DPH6: variants seen among roughly 807,000 people sequenced by gnomAD.
DPH6 encodes diphthamine biosynthesis 6, also known as diphthine--ammonia ligase.
DPH6 carries 33 observed loss-of-function variants against 38.2 expected under a neutral mutation model. That is an observed-to-expected ratio of 0.86 (90% CI 0.65 to 1.15). The LOEUF (loss-of-function observed/expected upper bound fraction) is 1.15, where lower values mean the gene tolerates loss of function less well. Ranked by LOEUF, DPH6 falls within the 50% of genes most tolerant of loss-of-function variation. The probability of loss-of-function intolerance (pLI) is 0.00; values close to 1 mark genes in which losing one functional copy is unlikely to be tolerated. For missense variants in DPH6, 325 were observed against 320.0 expected (o/e 1.02, Z -0.12); for synonymous variants, 108 against 103.0 (o/e 1.05, Z -0.30).
intron 3 of DPH6, among the ~76,000 whole-genome samples, chr15:35,335,809 G>T (rs2052366994): frequency 1.3e-5 from 2 of 152,104 alleles, no homozygotes; most frequent in African/African-American, 2.4e-5. Context: ...GTTGGAAGTT[G>T]TATAGCACAA....
At chr15:35,206,404 T>C in the DPH6 span, among the ~76,000 whole-genome samples, 3 of 152,016 alleles carry the variant, frequency 2.0e-5, no homozygotes, top group African/African-American at 7.2e-5. Flanking sequence ...CTATTGAGAG[T>C]AGAAATTTAT....
At chr15:35,320,076 A>G (rs563299665) in intron 3 of DPH6, among the ~76,000 whole-genome samples, 6 of 151,920 alleles carry the variant, frequency 3.9e-5, no homozygotes, top group African/African-American at 1.4e-4. Flanking sequence ...TTTCAGCCCA[A>G]CTACTGATTT....
At chr15:35,177,602 T>A in the DPH6 span, among the ~76,000 whole-genome samples, 979 of 99,888 alleles carry the variant, frequency 9.8e-3, 17 homozygotes, top group African/African-American at 0.039. Flanking sequence ...AAAAAAAAAA[T>A]CATCATCATC....
At chr15:35,487,440 T>C (rs1257842817) in intron 3 of DPH6, among the ~76,000 whole-genome samples, 1 of 152,258 alleles carries the variant, frequency 6.6e-6, no homozygotes, top group Non-Finnish European at 1.5e-5. Flanking sequence ...TCTTTGCACC[T>C]GCAGGCCCAA....
chr15:35,222,365 T>C (rs1430773496), intron 3 of DPH6, among the ~76,000 whole-genome samples: 1 of 152,236 alleles, frequency 6.6e-6, no homozygotes, highest in Non-Finnish European at 1.5e-5. Context: ...ACATTTATTT[T>C]GTCAGGGTTA....
intron 3 of DPH6, chr15:35,298,807 T>C (rs1170385743): frequency 1.1e-5 from 12 of 1,137,020 alleles, no homozygotes; most frequent in Non-Finnish European, 1.5e-5. Context: ...TCTGTCTTGT[T>C]CCTCGTACAC....
the DPH6 span, among the ~76,000 whole-genome samples, chr15:35,182,485 T>C: frequency 6.6e-6 from 1 of 152,040 alleles, no homozygotes; most frequent in Non-Finnish European, 1.5e-5. Flanking sequence ...GTGATGTTCC[T>C]ACTCCCCATC....
chr15:35,260,569 A>C (rs1424117595), intron 3 of DPH6, among the ~76,000 whole-genome samples: 1 of 151,622 alleles, frequency 6.6e-6, no homozygotes, highest in African/African-American at 2.4e-5. Flanking sequence ...TAATCTGAAG[A>C]CTTCATTTAT....
At chr15:35,199,215 TTTG>T in the DPH6 span, among the ~76,000 whole-genome samples, 7 of 152,174 alleles carry the variant, frequency 4.6e-5, no homozygotes, top group Non-Finnish European at 1.0e-4. Flanking sequence ...GCCCAGCGAA[TTTG>T]TTGTCTTCTT....
At position 35,237,360 on chromosome 15, in the gene DPH6, G is replaced by A. The variant is rs1566846506; in HGVS notation, n.201-16778C>T. The A allele has an allele frequency of 8.1e-6, 13 of 1,598,196 alleles. 1 individual carries two copies. The highest frequency in any genetic ancestry group is 5.0e-5 in the Admixed American group (3 of 59,776). The stretch of plus-strand genomic sequence containing the variant: ...GGCAGACGGATTCATTTAGAGCTGC[G>A]GAACAGGACGCCCTCTGATGTGAAA... On this transcript the variant is annotated intron_variant and non_coding_transcript_variant, in intron 3 of 3. Coordinates refer to the DPH6 transcript ENST00000560386.
chr15:35,354,019 G>A (rs903551458), intron 3 of DPH6, among the ~76,000 whole-genome samples: 3 of 152,066 alleles, frequency 2.0e-5, no homozygotes, highest in African/African-American at 4.8e-5. Context: ...TGGATTCCTA[G>A]GTATTTTATT....
At chr15:35,469,483 G>T (rs189050988) in intron 3 of DPH6, among the ~76,000 whole-genome samples, 1 of 152,310 alleles carries the variant, frequency 6.6e-6, no homozygotes, top group East Asian at 1.9e-4. Flanking sequence ...TAAGGCAGTA[G>T]TTATGACAAG....
At chr15:35,523,515 T>C (rs897061598) in intron 3 of DPH6, among the ~76,000 whole-genome samples, 2 of 151,938 alleles carry the variant, frequency 1.3e-5, no homozygotes, top group Non-Finnish European at 2.9e-5. Context: ...TCCCAACTTA[T>C]CCAAAAAGAA....
intron 6 of DPH6, among the ~76,000 whole-genome samples, chr15:35,397,502 T>C (rs1397363455): frequency 6.6e-6 from 1 of 151,778 alleles, no homozygotes; most frequent in Admixed American, 6.6e-5. Flanking sequence ...CCCACAGAGA[T>C]GGAGAACACA....
intron 3 of DPH6, among the ~76,000 whole-genome samples, chr15:35,524,264 C>A (rs2054966536): frequency 6.6e-6 from 1 of 152,008 alleles, no homozygotes; most frequent in Non-Finnish European, 1.5e-5. Context: ...TTTTGAATTT[C>A]TCTATATATC....
At chr15:35,430,670 G>A (rs1367532247) in intron 5 of DPH6, among the ~76,000 whole-genome samples, 1 of 152,044 alleles carries the variant, frequency 6.6e-6, no homozygotes, top group African/African-American at 2.4e-5. Flanking sequence ...GTTTTCAACT[G>A]CTTAATACAA....
chr15:35,197,863 A>G, the DPH6 span, among the ~76,000 whole-genome samples: 1 of 152,204 alleles, frequency 6.6e-6, no homozygotes, highest in African/African-American at 2.4e-5. Context: ...ACAGTTATTA[A>G]GTCCCTAGGA....
chr15:35,459,436 A>G (rs1203850632), intron 3 of DPH6, among the ~76,000 whole-genome samples: 1 of 152,150 alleles, frequency 6.6e-6, no homozygotes, highest in Non-Finnish European at 1.5e-5. Context: ...ATCCAAATAC[A>G]TCTCCAAATA....
At chr15:35,377,125 C>A (rs1412681183) in intron 7 of DPH6, among the ~76,000 whole-genome samples, 1 of 151,914 alleles carries the variant, frequency 6.6e-6, no homozygotes, top group Non-Finnish European at 1.5e-5. Flanking sequence ...TCAGATGATA[C>A]AGAATCAATG....
Sources: allele counts gnomAD v4.1 joint callset (sites outside exome capture counted in the v4.1 genomes callset), GRCh38; gene constraint gnomAD v4.1.1; transcripts MANE v1.5; gene names NCBI Gene and HGNC (gene_info 2026-07-23, HGNC 2026-07-21).